RCOR3: variants seen among roughly 807,000 people sequenced by gnomAD.
RCOR3 encodes the protein REST corepressor 3.
Under a neutral mutation model 64.1 loss-of-function variants are expected in RCOR3, and 13 were observed. The observed-to-expected ratio is 0.20, with a 90% CI of 0.13 to 0.32. The LOEUF (loss-of-function observed/expected upper bound fraction) is 0.32, where lower values mean the gene tolerates loss of function less well. RCOR3 is among the 10% of genes least tolerant of loss of function. The pLI is 1.00. For synonymous variants in RCOR3, 215 were observed against 239.0 expected (o/e 0.90, Z 0.93); for missense variants, 489 against 701.2 (o/e 0.70, Z 3.42).
Position 211,279,147 on chromosome 1 carries a change from A to G in RCOR3, c.642-91A>G, listed in dbSNP as rs1355195108. ...GGTTGCAGTGAGCCAAGATCATGCCATTGCACTCCAGCCTGGGCAATAAGA... is the reference window on the plus strand; with the variant it reads ...GGTTGCAGTGAGCCAAGATCATGCCGTTGCACTCCAGCCTGGGCAATAAGA... On this transcript the variant is annotated intron_variant, in intron 6 of 11. Transcript: ENST00000419091. 7 of 805,678 alleles carry G rather than the reference A, an allele frequency of 8.7e-6. No homozygotes were observed. The African/African-American group carries it at 1.1e-4, about 12-fold the overall frequency. The allele number at this position is 805,678 out of a possible 1,614,324, so 49.9% of individuals were successfully genotyped here.
At chr1:211,308,785 C>G (rs1380049821) in intron 10 of RCOR3, among the ~76,000 whole-genome samples, 1 of 146,408 alleles carries the variant, frequency 6.8e-6, no homozygotes, top group Admixed American at 6.9e-5. Flanking sequence ...TATCTCGGCT[C>G]ACTGCAACCT....
At chr1:211,293,841 G>C (rs1558090339) in intron 8 of RCOR3, among the ~76,000 whole-genome samples, 1 of 152,070 alleles carries the variant, frequency 6.6e-6, no homozygotes, top group Admixed American at 6.6e-5. Context: ...GTATTTCGTT[G>C]TCCACACTAG....
At chr1:211,259,997 C>T in intron 1 of RCOR3, 111 bp from the exon 2 acceptor site, 2 of 1,408,288 alleles carry the variant, frequency 1.4e-6, no homozygotes, top group Non-Finnish European at 9.2e-7. Flanking sequence ...TCCCATCCAC[C>T]CGCCGCTTCT....
At chr1:211,298,701 A>G (rs1485356015) in intron 9 of RCOR3, among the ~76,000 whole-genome samples, 1 of 152,108 alleles carries the variant, frequency 6.6e-6, no homozygotes, top group Non-Finnish European at 1.5e-5. Context: ...CAGAGTATAA[A>G]GTCCTTGTGA....
At chr1:211,276,081 G>C (rs1696920320) in intron 4 of RCOR3, among the ~76,000 whole-genome samples, 176 bp from the exon 5 acceptor site, 1 of 152,118 alleles carries the variant, frequency 6.6e-6, no homozygotes, top group Non-Finnish European at 1.5e-5. Context: ...TGATTTAAAA[G>C]AAATAAATAA....
Position 211,313,589 on chromosome 1 carries a change from C to T in RCOR3, c.1483C>T (p.Gln495Ter). ...TCACCGGCAGCCTCCTCCACTCCAG[C>T]AGCAGGCTCGGTTCATCCAGCCCCG... ...ALHRQPPPLQ[Q>*]QARFIQPRPT... The change falls in exon 12 of 12, where the codon CAG (glutamine) becomes TAG (stop). Residue 495 changes from glutamine to a stop codon, truncating the protein, a stop_gained. Transcript: ENST00000419091. LOFTEE classifies it high-confidence loss of function. This position sits in a 1 kb window ranked among gnomAD's most constrained non-coding sequence, Gnocchi z 4.7. The T allele has an allele frequency of 6.2e-7, 1 of 1,614,114 alleles. No individual in the cohort carries two copies. Among genetic ancestry groups the T allele is most frequent in the Non-Finnish European group, 8.5e-7 (1 of 1,180,018 alleles).
At chr1:211,265,700 A>G (rs1382857053) in intron 2 of RCOR3, among the ~76,000 whole-genome samples, 1 of 152,238 alleles carries the variant, frequency 6.6e-6, no homozygotes, top group Non-Finnish European at 1.5e-5. Context: ...GCCTGGCGAC[A>G]GAGCGAGACT....
intron 7 of RCOR3, among the ~76,000 whole-genome samples, chr1:211,280,984 CAAAA>C (rs57531814): frequency 3.5e-5 from 4 of 114,018 alleles, no homozygotes; most frequent in Non-Finnish European, 7.0e-5. Context: ...AACTCCATCT[CAAAA>C]AAAAAAAAAA....
At chr1:211,298,545 GA>G (rs912928851) in intron 9 of RCOR3, among the ~76,000 whole-genome samples, 60 of 152,294 alleles carry the variant, frequency 3.9e-4, no homozygotes, top group Middle Eastern at 3.4e-3. Context: ...GGATTCCATG[GA>G]AATGTAAAAC....
chr1:211,277,085 C>CAA (rs545435373), intron 5 of RCOR3, among the ~76,000 whole-genome samples: 8 of 112,958 alleles, frequency 7.1e-5, no homozygotes, highest in African/African-American at 2.3e-4. Flanking sequence ...GACTCTGTCT[C>CAA]AAAAAAAAAA....
chr1:211,310,560 C>T (rs2102676184), intron 10 of RCOR3, among the ~76,000 whole-genome samples: 1 of 152,238 alleles, frequency 6.6e-6, no homozygotes, highest in South Asian at 2.1e-4. Flanking sequence ...TCTAGAAACA[C>T]TAAAGCTCTT....
In RCOR3 at chr1:211,304,125, C is replaced by A; in HGVS notation, c.1060C>A (p.Leu354Ile). The A allele has an allele frequency of 6.2e-7, 1 of 1,601,382 alleles. No individual in the cohort carries two copies. Among genetic ancestry groups the A allele is most frequent in the Non-Finnish European group, 8.5e-7 (1 of 1,175,036 alleles). ...TGCCCGTTGGACCACAGAGGAGCAG[C>A]TTCTAGCAGTGCAAGGTATATTAAA... ...INARWTTEEQ[L>I]LAVQGVRKYG... is the part of the protein sequence containing the mutation. Residue 354 changes from leucine to isoleucine, a missense_variant, in exon 10 of 12, where the codon CTT becomes ATT. By Grantham distance (5) the Leu-to-Ile change is conservative. Around this residue, in one of 2 missense-constraint regions of RCOR3, gnomAD observed 402 missense variants for 617.0 expected, o/e 0.65. Coordinates refer to ENST00000419091, the MANE Select transcript of RCOR3 (RefSeq NM_001136223.3).
At chr1:211,271,652 T>C in intron 3 of RCOR3, 2 of 420,894 alleles carry the variant, frequency 4.8e-6, no homozygotes, top group Admixed American at 2.9e-5. Flanking sequence ...GGTAAAGACA[T>C]GCCTTCAAAC....
intron 6 of RCOR3, 113 bp downstream of exon 6, chr1:211,278,354 C>A (rs1286313814): frequency 5.6e-5 from 68 of 1,215,188 alleles, no homozygotes; most frequent in Non-Finnish European, 7.5e-5. Context: ...CTTATTCTTA[C>A]ATTTATGTTT....
At chr1:211,279,792 A>G (rs757113294) in intron 7 of RCOR3, among the ~76,000 whole-genome samples, 1 of 152,124 alleles carries the variant, frequency 6.6e-6, no homozygotes, top group Non-Finnish European at 1.5e-5. Flanking sequence ...ATGATCAACT[A>G]TTCGAATCTC....
rs184895484 is a variant in RCOR3, at chr1:211,278,355, A to C, written c.641+114A>C. ...CATTGTAAATATTCCTTATTCTTAC[A>C]TTTATGTTTCTACTCTGACAAGAAG... On this transcript the variant is annotated intron_variant, in intron 6 of 11. Coordinates refer to ENST00000419091, the MANE Select transcript of RCOR3 (RefSeq NM_001136223.3). The C allele has an allele frequency of 2.9e-4, 347 of 1,214,650 alleles. 4 individuals carry two copies. In the East Asian group the frequency reaches 7.6e-3, roughly 27 times the overall value. The allele number at this position is 1,214,650 out of a possible 1,614,324, so 75.2% of individuals were successfully genotyped here.
At chr1:211,304,203 A>G (rs1202816849) in intron 10 of RCOR3, 63 bp downstream of exon 10, 37 of 1,172,862 alleles carry the variant, frequency 3.2e-5, no homozygotes, top group Non-Finnish European at 3.9e-5. Context: ...AAAGGTGACT[A>G]CTCTAGTTCT....
chr1:211,259,782 C>A, intron 1 of RCOR3, 56 bp downstream of exon 1: 1 of 1,314,282 alleles, frequency 7.6e-7, no homozygotes, highest in Non-Finnish European at 1.0e-6. Flanking sequence ...CTCTTCCCCT[C>A]CCCCAGCCCC....
intron 7 of RCOR3, among the ~76,000 whole-genome samples, chr1:211,281,497 C>T (rs1697804762): frequency 6.6e-6 from 1 of 152,140 alleles, no homozygotes; most frequent in African/African-American, 2.4e-5. Context: ...ATTGACTGCC[C>T]TGTTGCCAAA....
Sources: gnomAD v4.1 joint callset for allele counts (sites outside exome capture counted in the v4.1 genomes callset) on GRCh38, gnomAD v4.1.1 for gene constraint, gnomAD v4.1.1 regional missense constraint, Gnocchi (gnomAD v3.1) non-coding constraint, MANE v1.5 for transcripts, NCBI Gene and HGNC (gene_info 2026-07-23, HGNC 2026-07-21) for gene names.